Variants in SIRPG observed in about 807,000 individuals in gnomAD.
The protein encoded by SIRPG is signal-regulatory protein gamma.
SIRPG carries 38 observed loss-of-function variants against 35.7 expected under a neutral mutation model. The observed-to-expected ratio is 1.06, with a 90% CI of 0.82 to 1.40. The LOEUF (loss-of-function observed/expected upper bound fraction) is 1.40. Among genes scored for constraint, SIRPG ranks in the 40% most tolerant of loss-of-function variants. SIRPG has a pLI of 0.00. For missense variants in SIRPG, 519 were observed against 483.0 expected, an observed-to-expected ratio of 1.07 and a Z score of -0.70; for synonymous variants, 215 against 190.4, an observed-to-expected ratio of 1.13 and a Z score of -1.06.
the SIRPG span, among the ~76,000 whole-genome samples, chr20:1,672,810 G>A: frequency 6.6e-6 from 1 of 152,068 alleles, no homozygotes; most frequent in Non-Finnish European, 1.5e-5. Context: ...AAGAGGGAAC[G>A]TTTTTGGAAT....
intron 1 of SIRPG, 57 bp downstream of exon 1, chr20:1,657,585 G>A (rs66989667): frequency 0.15 from 227,935 of 1,552,226 alleles, 18,187 homozygotes; most frequent in Non-Finnish European, 0.16. Flanking sequence ...CAAGTCCAGG[G>A]GCAAGGCTAG....
At chr20:1,657,818 G>A (rs1054809627), upstream of SIRPG, 15 of 1,083,470 alleles carry the variant, frequency 1.4e-5, no homozygotes, top group Middle Eastern at 2.3e-4. Flanking sequence ...CAATTCAAGA[G>A]GAAGTGGCTA....
chr20:1,657,547 C>A, intron 1 of SIRPG, 95 bp downstream of exon 1: 1 of 1,206,724 alleles, frequency 8.3e-7, no homozygotes, highest in Non-Finnish European at 1.2e-6. Flanking sequence ...CCTTCCTTGG[C>A]AGTGCTTGTG....
intron 1 of SIRPG, among the ~76,000 whole-genome samples, chr20:1,655,815 ATATT>A (rs2091971683): frequency 6.6e-6 from 1 of 152,130 alleles, no homozygotes; most frequent in Non-Finnish European, 1.5e-5. Flanking sequence ...ATAAAATAAA[ATATT>A]TATTTTGTTA....
intron 1 of SIRPG, among the ~76,000 whole-genome samples, chr20:1,654,436 A>G (rs1257217205): frequency 2.6e-5 from 4 of 152,136 alleles, no homozygotes; most frequent in Admixed American, 6.5e-5. Context: ...AAGAAAACAC[A>G]ATGGTGAAAG....
At chr20:1,636,580 A>G in intron 2 of SIRPG, 75 bp from the exon 3 acceptor site, 1 of 1,435,810 alleles carries the variant, frequency 7.0e-7, no homozygotes, top group Admixed American at 1.7e-5. Context: ...TGACACTGTT[A>G]AGAACCTTCA....
At chr20:1,672,927 A>C in the SIRPG span, among the ~76,000 whole-genome samples, 1 of 152,220 alleles carries the variant, frequency 6.6e-6, no homozygotes, top group Admixed American at 6.5e-5. Flanking sequence ...CAAGAAACAC[A>C]GACCCAGGCC....
chr20:1,629,163 C>T lies in SIRPG; in HGVS notation c.*476G>A, dbSNP rs562520437. 6 of 152,254 alleles carry T rather than the reference C, an allele frequency of 3.9e-5. No homozygotes were observed. The South Asian group carries it at 1.2e-3, about 32-fold the overall frequency. 9.4% of individuals were successfully genotyped at this position (152,254 alleles called of 1,614,324 possible). On this transcript the variant is annotated 3_prime_UTR_variant, in exon 6 of 6. Transcript: ENST00000303415. ...CCCTTAGACAAAGAGGAAGGATAAT[C>T]TTTTTATTTTCTTAAAACCACTTTG...
upstream of SIRPG, among the ~76,000 whole-genome samples, chr20:1,658,468 C>A (rs763265942): frequency 2.6e-5 from 4 of 152,046 alleles, no homozygotes; most frequent in Non-Finnish European, 5.9e-5. Context: ...TTCCTGGGGC[C>A]GTCGCATCAA....
chr20:1,635,300 G>C lies in SIRPG; in HGVS notation c.1048C>G (p.His350Asp). 6.2e-7 allele frequency: 1 copy of C among 1,613,792 alleles called. No homozygotes were observed. Among genetic ancestry groups the C allele is most frequent in the Non-Finnish European group, 8.5e-7 (1 of 1,179,708 alleles). Reference sequence around the variant, plus strand: ...GCATCTGAGCTCTGGTCCTTCTGGTGGACTGTGACCTCTAGGGCAAGGCGT... The same window carrying C: ...GCATCTGAGCTCTGGTCCTTCTGGTCGACTGTGACCTCTAGGGCAAGGCGT... ...SKRLALEVTV[H>D]QKDQSSDATP... The change falls in exon 4 of 6, where the codon CAC becomes GAC. Residue 350 changes from histidine (H) to aspartate (D), a missense_variant. By Grantham distance (81) the His-to-Asp change is moderately conservative. Coordinates refer to ENST00000303415, the MANE Select transcript of SIRPG (RefSeq NM_018556.4).
At position 1,632,136 on chromosome 20, in the gene SIRPG, T is replaced by C. The variant is rs568106309; in HGVS notation, c.1082-1830A>G. Among the ~76,000 whole-genome samples, 15 of 152,274 alleles carry C rather than the reference T, an allele frequency of 9.9e-5. No individual in the cohort carries two copies. The South Asian group carries it at 2.1e-3, about 21-fold the overall frequency. On this transcript the variant is annotated intron_variant, in intron 4 of 5. Transcript: ENST00000303415. ...GGACCCTGAGATGTGGGAGTGGACATTTGGGTCAAAGCACTCAAAGATCTT... is the reference window on the plus strand; with the variant it reads ...GGACCCTGAGATGTGGGAGTGGACACTTGGGTCAAAGCACTCAAAGATCTT...
chr20:1,669,473 G>A, the SIRPG span, among the ~76,000 whole-genome samples: 1 of 152,318 alleles, frequency 6.6e-6, no homozygotes, highest in East Asian at 1.9e-4. Flanking sequence ...TCCCCAGGGG[G>A]CCTGGTCCAG....
rs2091922273 is a variant in SIRPG at position 1,649,359 on chromosome 20, C to A, written c.123G>T (p.Leu41=). The A allele has an allele frequency of 2.5e-6, 4 of 1,613,864 alleles. No individual in the cohort carries two copies. Among genetic ancestry groups the A allele is most frequent in the Non-Finnish European group, 3.4e-6 (4 of 1,179,872 alleles). ...ELQMIQPEKL[L]LVTVGKTATL... ...TGGCTGTCTTTCCAACTGTGACCAA[C>A]AGGAGCTTCTCAGGCTGAATCATCT... Residue 41 remains leucine, a synonymous_variant, in exon 2 of 6, where the codon CTG becomes CTT. Coordinates refer to ENST00000303415, the MANE Select transcript of SIRPG (RefSeq NM_018556.4).
At chr20:1,668,187 CTT>C in the SIRPG span, among the ~76,000 whole-genome samples, 953 of 49,844 alleles carry the variant, frequency 0.019, 17 homozygotes, top group African/African-American at 0.043. Flanking sequence ...TTCTTTCTTT[CTT>C]TTTCTTTTCT....
chr20:1,636,436 G>A lies in SIRPG; in HGVS notation c.500C>T (p.Thr167Ile). 1.2e-6 allele frequency: 2 copies of A among 1,614,218 alleles called. No homozygotes were observed. Among genetic ancestry groups the A allele is most frequent in the Non-Finnish European group, 1.7e-6 (2 of 1,180,034 alleles). ...GGGAGAGAAGCCATGGGACTCACAG[G>A]TGAAACTCACTGTATGCTCAGGTGT... ...RTTPEHTVSF[T>I]CESHGFSPRD... The change falls in exon 3 of 6, where the codon ACC (threonine) becomes ATC (isoleucine). Residue 167 changes from threonine to isoleucine, a missense_variant. Coordinates refer to ENST00000303415, the MANE Select transcript of SIRPG (RefSeq NM_018556.4).
chr20:1,649,268 G>A lies in SIRPG; in HGVS notation c.214C>T (p.Pro72Ser), dbSNP rs376352368. The change falls in exon 2 of 6, where the codon CCA becomes TCA. Residue 72 changes from proline to serine, a missense_variant. Physicochemically the swap from Pro to Ser is moderately conservative, Grantham distance 74 (BLOSUM62 -1). Coordinates refer to ENST00000303415, the MANE Select transcript of SIRPG (RefSeq NM_018556.4). ...TGATTGTAGATTAATTCCCGGCCTG[G>A]TCCAACTCCTCTGAACCACAGGACG... ...GPVLWFRGVG[P>S]GRELIYNQKE... 1 of 1,613,968 alleles carries A rather than the reference G, an allele frequency of 6.2e-7. No individual in the cohort carries two copies. Among genetic ancestry groups the A allele is most frequent in the Non-Finnish European group, 8.5e-7 (1 of 1,180,026 alleles).
upstream of SIRPG, among the ~76,000 whole-genome samples, chr20:1,661,401 A>T (rs562869218): frequency 2.9e-4 from 44 of 152,330 alleles, no homozygotes; most frequent in African/African-American, 9.6e-4. Flanking sequence ...TCATGCTGGG[A>T]TGGGAGAGAA....
At chr20:1,682,272 AAAT>A in the SIRPG span, among the ~76,000 whole-genome samples, 1 of 152,184 alleles carries the variant, frequency 6.6e-6, no homozygotes, top group Non-Finnish European at 1.5e-5. Flanking sequence ...GGTTAGAAGG[AAAT>A]AATAAGAAAA....
the SIRPG span, among the ~76,000 whole-genome samples, chr20:1,685,440 C>T: frequency 1.4e-4 from 21 of 152,168 alleles, no homozygotes; most frequent in African/African-American, 4.8e-4. Context: ...CACAGACACA[C>T]ACTGAGGGAA....
Sources: gnomAD v4.1 joint callset for allele counts (sites outside exome capture counted in the v4.1 genomes callset) on GRCh38, gnomAD v4.1.1 for gene constraint, MANE v1.5 for transcripts, NCBI Gene and HGNC (gene_info 2026-07-23, HGNC 2026-07-21) for gene names.